HIBADH: variants seen among roughly 807,000 people sequenced by gnomAD.
The protein encoded by HIBADH is 3-hydroxyisobutyrate dehydrogenase, mitochondrial.
HIBADH carries 25 observed loss-of-function variants against 36.1 expected under a neutral mutation model. The observed-to-expected ratio is 0.69, with a 90% CI of 0.50 to 0.97. The LOEUF (loss-of-function observed/expected upper bound fraction) is 0.97, where lower values mean the gene tolerates loss of function less well. Among genes scored for constraint, HIBADH ranks in the 50% least tolerant of loss-of-function variants. HIBADH has a pLI of 0.00. For synonymous variants in HIBADH, 160 were observed against 149.5 expected, an observed-to-expected ratio of 1.07 and a Z score of -0.51; for missense variants, 421 against 418.0, an observed-to-expected ratio of 1.01 and a Z score of -0.06.
rs545642336 is a variant in HIBADH, at chr7:27,662,713, C to A, written c.76G>T (p.Gly26Cys). Reference sequence around the variant, plus strand: ...AGGTCCTTACCCGCTGCAAAGCTGCCGGCTGCCGGCCGCAGCCGCCGGCTC... The same window carrying A: ...AGGTCCTTACCCGCTGCAAAGCTGCAGGCTGCCGGCCGCAGCCGCCGGCTC... ...YWSRRLRPAA[G>C]SFAAVCSRSV... Residue 26 changes from glycine to cysteine, a missense_variant, in exon 1 of 8, where the codon GGC (glycine) becomes TGC (cysteine). By Grantham distance (159) the Gly-to-Cys change is radical. Transcript: ENST00000265395. 78 of 1,369,970 alleles carry A rather than the reference C, an allele frequency of 5.7e-5. No homozygotes were observed. In the Admixed American group the frequency reaches 1.2e-3, roughly 22 times the overall value. 84.9% of individuals were successfully genotyped at this position (1,369,970 alleles called of 1,614,324 possible).
chr7:27,595,016 T>A (rs577344244), intron 4 of HIBADH, among the ~76,000 whole-genome samples: 1 of 152,206 alleles, frequency 6.6e-6, no homozygotes, highest in South Asian at 2.1e-4. Flanking sequence ...AATTTCTTTT[T>A]AATTTTACAA....
intron 1 of HIBADH, among the ~76,000 whole-genome samples, chr7:27,653,699 T>G (rs991800661): frequency 4.0e-5 from 6 of 151,204 alleles, no homozygotes; most frequent in Admixed American, 3.3e-4. Context: ...ATCGCACCAC[T>G]GCACTCCAGC....
intron 4 of HIBADH, among the ~76,000 whole-genome samples, chr7:27,546,275 TTTGTTG>T (rs944021692): frequency 6.6e-6 from 1 of 151,824 alleles, no homozygotes; most frequent in Admixed American, 6.6e-5. Flanking sequence ...GCTATTTGTT[TTTGTTG>T]TTGTTGTTGT....
intron 7 of HIBADH, among the ~76,000 whole-genome samples, chr7:27,529,388 A>G (rs1783959653): frequency 6.6e-6 from 1 of 152,234 alleles, no homozygotes; most frequent in Non-Finnish European, 1.5e-5. Context: ...AGATGCCATT[A>G]AGAATATTTG....
chr7:27,548,196 T>TTAAA (rs1554295255), intron 4 of HIBADH, among the ~76,000 whole-genome samples: 1 of 144,212 alleles, frequency 6.9e-6, no homozygotes, highest in African/African-American at 2.6e-5. Flanking sequence ...CTCTCTCTCT[T>TTAAA]AAAAAAAAAA....
At chr7:27,541,460 C>A (rs1784150177) in intron 5 of HIBADH, among the ~76,000 whole-genome samples, 1 of 152,144 alleles carries the variant, frequency 6.6e-6, no homozygotes, top group Admixed American at 6.5e-5. Flanking sequence ...ATAAAAGCTG[C>A]ATTTTCAATG....
At chr7:27,566,386 G>C (rs941540403) in intron 4 of HIBADH, among the ~76,000 whole-genome samples, 5 of 151,308 alleles carry the variant, frequency 3.3e-5, no homozygotes, top group African/African-American at 1.2e-4. Context: ...AAAAAAAAAT[G>C]GTCCATTTCA....
chr7:27,547,842 C>CA (rs971508170), intron 4 of HIBADH, among the ~76,000 whole-genome samples: 1 of 151,720 alleles, frequency 6.6e-6, no homozygotes, highest in Non-Finnish European at 1.5e-5. Context: ...TTACTTTGCA[C>CA]AAAAAAATTG....
chr7:27,575,314 G>C (rs1463612437), intron 4 of HIBADH, among the ~76,000 whole-genome samples: 63 of 152,184 alleles, frequency 4.1e-4, no homozygotes, highest in Non-Finnish European at 4.4e-5. Context: ...GATCACAGGA[G>C]GTGGCATCTA....
chr7:27,550,913 C>T (rs546473278), intron 4 of HIBADH, among the ~76,000 whole-genome samples: 1 of 152,246 alleles, frequency 6.6e-6, no homozygotes, highest in East Asian at 1.9e-4. Flanking sequence ...TATCAAAAAG[C>T]TCTTTTTAGT....
At chr7:27,538,611 G>A (rs879208539) in intron 5 of HIBADH, among the ~76,000 whole-genome samples, 194 bp from the exon 6 acceptor site, 2 of 152,078 alleles carry the variant, frequency 1.3e-5, no homozygotes, top group South Asian at 4.1e-4. Flanking sequence ...GAGCAGACTT[G>A]CGGGTCTCCT....
intron 4 of HIBADH, among the ~76,000 whole-genome samples, chr7:27,580,615 TA>T (rs1370489807): frequency 6.6e-5 from 10 of 152,206 alleles, no homozygotes; most frequent in African/African-American, 2.2e-4. Context: ...ATATCTTTTT[TA>T]CCAGAAAGAT....
At chr7:27,563,961 C>T (rs892903461) in intron 4 of HIBADH, among the ~76,000 whole-genome samples, 6 of 148,382 alleles carry the variant, frequency 4.0e-5, no homozygotes, top group East Asian at 4.0e-4. Context: ...TGCAGTGGCA[C>T]GATCTCGGCT....
At position 27,642,740 on chromosome 7, in the gene HIBADH, C is replaced by A. The variant is rs1467616299; in HGVS notation, c.252+6733G>T. ...GATCTCGGCTCACTGCAAGCTCCGCCTCCCGGGTTCACGCCATTCTCCTGC... is the reference window on the plus strand; with the variant it reads ...GATCTCGGCTCACTGCAAGCTCCGCATCCCGGGTTCACGCCATTCTCCTGC... On this transcript the variant is annotated intron_variant, in intron 2 of 7. Coordinates refer to ENST00000265395, the MANE Select transcript of HIBADH (RefSeq NM_152740.4). 1.4e-4 allele frequency among the ~76,000 whole-genome samples: 20 copies of A among 147,750 alleles called. No homozygotes were observed. In the Admixed American group the frequency reaches 1.4e-3, roughly 10 times the overall value.
At chr7:27,566,025 C>T (rs901330374) in intron 4 of HIBADH, among the ~76,000 whole-genome samples, 1 of 152,088 alleles carries the variant, frequency 6.6e-6, no homozygotes, top group Admixed American at 6.5e-5. Context: ...ATAAATCCCA[C>T]ATGGCTGTAT....
chr7:27,629,786 A>C (rs1785714918), intron 3 of HIBADH, among the ~76,000 whole-genome samples: 1 of 152,182 alleles, frequency 6.6e-6, no homozygotes, highest in Admixed American at 6.5e-5. Flanking sequence ...AACCATAATA[A>C]TAAACATGAA....
chr7:27,559,156 T>C (rs1469555172), intron 4 of HIBADH, among the ~76,000 whole-genome samples: 2 of 152,182 alleles, frequency 1.3e-5, no homozygotes, highest in African/African-American at 4.8e-5. Flanking sequence ...TTTCCCCTTT[T>C]TGTAAGGAGA....
intron 4 of HIBADH, among the ~76,000 whole-genome samples, chr7:27,550,299 AAGG>A (rs1784300965): frequency 6.6e-6 from 1 of 152,172 alleles, no homozygotes; most frequent in Admixed American, 6.5e-5. Flanking sequence ...CTTCAGCAAA[AAGG>A]AGAACTACAT....
chr7:27,662,805 T>A lies in HIBADH; in HGVS notation c.-17A>T. 6.8e-7 allele frequency: 1 copy of A among 1,466,906 alleles called. No individual in the cohort carries two copies. Among genetic ancestry groups the A allele is most frequent in the Non-Finnish European group, 9.0e-7 (1 of 1,106,644 alleles). 90.9% of individuals were successfully genotyped at this position (1,466,906 alleles called of 1,614,324 possible). The stretch of plus-strand genomic sequence containing the variant: ...GGCTGCCATGCTGCGCCCGCCCCTC[T>A]CCCCGCGGTGACCTCCGCCGCCTCC... On this transcript the variant is annotated 5_prime_UTR_variant, in exon 1 of 8. Transcript: ENST00000265395.
Sources: allele counts gnomAD v4.1 joint callset (sites outside exome capture counted in the v4.1 genomes callset), GRCh38; gene constraint gnomAD v4.1.1; transcripts MANE v1.5; gene names NCBI Gene and HGNC (gene_info 2026-07-23, HGNC 2026-07-21).